ATG4C: variants seen among roughly 807,000 people sequenced by gnomAD.
ATG4C encodes autophagy related 4C cysteine peptidase, also known as cysteine protease ATG4C.
ATG4C carries 56 observed loss-of-function variants against 57.6 expected under a neutral mutation model. The ratio of observed to expected loss-of-function variants is 0.97; its 90% CI spans 0.78 to 1.21. The LOEUF (loss-of-function observed/expected upper bound fraction) is 1.21. ATG4C is among the 50% of genes most tolerant of loss of function. The pLI, the probability that ATG4C is intolerant of heterozygous loss-of-function variation, is 0.00. For missense variants in ATG4C, 595 were observed against 529.8 expected (o/e 1.12, Z -1.21); for synonymous variants, 157 against 174.1 (o/e 0.90, Z 0.78).
At chr1:62,804,970 T>A (rs1664809089) in intron 2 of ATG4C, among the ~76,000 whole-genome samples, 1 of 152,182 alleles carries the variant, frequency 6.6e-6, no homozygotes, top group African/African-American at 2.4e-5. Context: ...TTAAAATTCT[T>A]AACTTTATTT....
rs1453918397 is a variant in ATG4C, at chr1:62,864,506, C to T, written c.*347C>T. 5.5e-6 allele frequency: 1 copy of T among 183,410 alleles called. No individual in the cohort carries two copies. The allele number at this position is 183,410 out of a possible 1,614,324, so 11.4% of individuals were successfully genotyped here. ...TGTGATATTAACCCTCCCCCAAAGA[C>T]TGGGATCACCAAATAGTTTCAAAAT... On this transcript the variant is annotated 3_prime_UTR_variant, in exon 11 of 11. Transcript: ENST00000317868.
chr1:62,816,169 T>C (rs531605204), intron 3 of ATG4C, among the ~76,000 whole-genome samples: 8 of 152,150 alleles, frequency 5.3e-5, no homozygotes, highest in Non-Finnish European at 7.3e-5. Context: ...GGATTCTGAG[T>C]TAATGATTTT....
At chr1:62,805,452 T>A (rs938531345) in intron 3 of ATG4C, among the ~76,000 whole-genome samples, 197 bp downstream of exon 3, 1 of 152,104 alleles carries the variant, frequency 6.6e-6, no homozygotes, top group African/African-American at 2.4e-5. Flanking sequence ...TCATCTTTTG[T>A]TATATCCCCA....
At chr1:62,848,925 T>C (rs1393685376) in intron 10 of ATG4C, among the ~76,000 whole-genome samples, 1 of 152,190 alleles carries the variant, frequency 6.6e-6, no homozygotes, top group Non-Finnish European at 1.5e-5. Context: ...AGGATACATG[T>C]TTCTTAGTTT....
intron 1 of ATG4C, among the ~76,000 whole-genome samples, chr1:62,793,905 C>T (rs1032964094): frequency 2.0e-5 from 3 of 152,072 alleles, no homozygotes; most frequent in African/African-American, 7.2e-5. Flanking sequence ...AAGAGGTTAA[C>T]ACCGTGAGTT....
At chr1:62,859,460 TA>T (rs1666783321) in intron 10 of ATG4C, among the ~76,000 whole-genome samples, 1 of 152,102 alleles carries the variant, frequency 6.6e-6, no homozygotes, top group African/African-American at 2.4e-5. Flanking sequence ...AAAGATATTA[TA>T]AAAAGATGGT....
chr1:62,818,711 A>G (rs576260943), intron 4 of ATG4C, among the ~76,000 whole-genome samples: 17 of 152,096 alleles, frequency 1.1e-4, no homozygotes, highest in Non-Finnish European at 2.1e-4. Flanking sequence ...ACTCATTTCA[A>G]GTGAATAATT....
chr1:62,846,469 G>A (rs1039635810), intron 10 of ATG4C, among the ~76,000 whole-genome samples: 6 of 152,026 alleles, frequency 3.9e-5, no homozygotes, highest in Admixed American at 1.3e-4. Flanking sequence ...GTCCAAGATC[G>A]TATCTTTAGC....
intron 3 of ATG4C, among the ~76,000 whole-genome samples, chr1:62,806,647 A>G (rs1318114367): frequency 6.6e-6 from 1 of 152,158 alleles, no homozygotes; most frequent in East Asian, 1.9e-4. Context: ...GAAAGGAGAA[A>G]GGTGTGGGAG....
At chr1:62,848,830 C>T (rs370222841) in intron 10 of ATG4C, among the ~76,000 whole-genome samples, 2 of 152,182 alleles carry the variant, frequency 1.3e-5, no homozygotes, top group African/African-American at 4.8e-5. Context: ...ACAATAATAC[C>T]TTACATTTAT....
rs1665407383 is a variant in ATG4C at position 62,819,355 on chromosome 1, TTTC to T, written c.725+26_725+28del. 2 of 1,548,950 alleles carry T rather than the reference TTTC, an allele frequency of 1.3e-6. No homozygotes were observed. ...TTTAAGGTAAAATTGTTTTAAAATC[TTTC>T]TTCTTGTGACAGAGGTCCTCAGGAT... is the stretch of plus-strand genomic sequence containing the variant. On this transcript the variant is annotated intron_variant, in intron 5 of 10. Transcript: ENST00000317868.
chr1:62,832,040 C>T (rs1413902315), intron 7 of ATG4C, among the ~76,000 whole-genome samples: 1 of 152,108 alleles, frequency 6.6e-6, no homozygotes, highest in Non-Finnish European at 1.5e-5. Flanking sequence ...CGAAGTAAGG[C>T]ACTCTCTAAT....
chr1:62,844,234 C>T (rs952855735), intron 10 of ATG4C, among the ~76,000 whole-genome samples: 2 of 152,088 alleles, frequency 1.3e-5, no homozygotes, highest in Non-Finnish European at 2.9e-5. Context: ...GTCTTGTGTG[C>T]CAAATTTGAG....
chr1:62,801,864 A>G (rs1664679611), intron 1 of ATG4C, among the ~76,000 whole-genome samples: 1 of 139,288 alleles, frequency 7.2e-6, no homozygotes. Flanking sequence ...AGGCTGAGGC[A>G]GGAGAATGGC....
intron 6 of ATG4C, 124 bp downstream of exon 6, chr1:62,821,333 T>A: frequency 2.0e-6 from 1 of 509,898 alleles, no homozygotes; most frequent in Non-Finnish European, 3.2e-6. Context: ...ACATTTTTGT[T>A]CCTAAATGTA....
intron 1 of ATG4C, among the ~76,000 whole-genome samples, chr1:62,784,482 C>T (rs1572081006): frequency 6.6e-6 from 1 of 152,236 alleles, no homozygotes; most frequent in East Asian, 1.9e-4. Context: ...TCCTGGGTTG[C>T]AGAGATAAAC....
intron 10 of ATG4C, among the ~76,000 whole-genome samples, chr1:62,861,569 A>G (rs952405052): frequency 5.4e-5 from 8 of 146,970 alleles, no homozygotes; most frequent in African/African-American, 2.1e-4. Flanking sequence ...AGAAGCTTGG[A>G]AAATAGAACA....
At chr1:62,838,272 G>T (rs1402733219) in intron 9 of ATG4C, among the ~76,000 whole-genome samples, 1 of 152,094 alleles carries the variant, frequency 6.6e-6, no homozygotes, top group South Asian at 2.1e-4. Flanking sequence ...ACTCCTTAAA[G>T]TGCGTTTGTC....
In ATG4C at chr1:62,864,316, C is replaced by T; in HGVS notation, c.*157C>T. 1.7e-6 allele frequency: 1 copy of T among 588,968 alleles called. No individual in the cohort carries two copies. The highest frequency in any genetic ancestry group is 2.4e-5 in the South Asian group (1 of 41,978). The allele number at this position is 588,968 out of a possible 1,614,324, so 36.5% of individuals were successfully genotyped here. A position where few individuals can be genotyped will look rare whatever the true frequency, so the allele number is the denominator to read the frequency against. ...AAATATAACAGTTAAAGATATTTTT[C>T]TAAAAGAGAAATGATTTAATGAATC... On this transcript the variant is annotated 3_prime_UTR_variant, in exon 11 of 11. Coordinates refer to ENST00000317868, the MANE Select transcript of ATG4C (RefSeq NM_032852.4).
Sources: allele counts gnomAD v4.1 joint callset (sites outside exome capture counted in the v4.1 genomes callset), GRCh38; gene constraint gnomAD v4.1.1; transcripts MANE v1.5; gene names NCBI Gene and HGNC (gene_info 2026-07-23, HGNC 2026-07-21).